The following LEFTY1 variants were observed in gnomAD, a reference collection of about 807,000 sequenced individuals.
The protein encoded by LEFTY1 is left-right determination factor B.
In LEFTY1, 18 loss-of-function variants were observed where a neutral mutation model predicts 22.6. The observed-to-expected ratio is 0.80, with a 90% confidence interval of 0.55 to 1.18. The LOEUF (loss-of-function observed/expected upper bound fraction) is 1.18, where lower values mean the gene tolerates loss of function less well. LEFTY1 is among the 50% of genes most tolerant of loss of function. LEFTY1 has a pLI of 0.00. For synonymous variants in LEFTY1, 201 were observed against 231.5 expected, an observed-to-expected ratio of 0.87 and a Z score of 1.20; for missense variants, 414 against 495.4, an observed-to-expected ratio of 0.84 and a Z score of 1.56.
intron 1 of LEFTY1, 145 bp from the exon 2 acceptor site, chr1:225,888,177 G>C (rs1435072534): frequency 1.6e-6 from 2 of 1,271,770 alleles, no homozygotes; most frequent in East Asian, 5.2e-5. Context: ...ATCTTCCTTG[G>C]ATCTGGGCCT....
intron 1 of LEFTY1, among the ~76,000 whole-genome samples, chr1:225,888,563 A>G (rs1159229583): frequency 2.0e-5 from 3 of 152,224 alleles, no homozygotes; most frequent in Non-Finnish European, 4.4e-5. Context: ...ATTTTAAAGC[A>G]ATATGCTCCA....
At chr1:225,887,138 G>A in intron 3 of LEFTY1, 48 bp from the exon 4 acceptor site, 1 of 1,556,456 alleles carries the variant, frequency 6.4e-7, no homozygotes. Context: ...GGAGGGCTGA[G>A]GTCAGAGGGC....
In LEFTY1 at chr1:225,887,507, G is replaced by A. The variant is rs1489900591; in HGVS notation, c.629C>T (p.Pro210Leu). The A allele has an allele frequency of 1.9e-6, 3 of 1,611,678 alleles. No individual in the cohort carries two copies. Among genetic ancestry groups the A allele is most frequent in the South Asian group, 2.2e-5 (2 of 91,012 alleles). The change falls in exon 3 of 4, where the codon CCG becomes CTG. Residue 210 changes from proline (P) to leucine (L), a missense_variant. By Grantham distance (98) the Pro-to-Leu change is moderately conservative. Coordinates refer to ENST00000272134, the MANE Select transcript of LEFTY1 (RefSeq NM_020997.4). The part of the protein sequence containing the change: ...QVSVQREHLG[P>L]LASGAHKLVR... ...CAGCTTGTGGGCGCCGGACGCCAGC[G>A]GGCCCAGATGCTCCCTCTGCACCGA... is the stretch of plus-strand genomic sequence containing the variant.
chr1:225,887,820 C>T lies in LEFTY1; in HGVS notation c.463G>A (p.Asp155Asn). The T allele has an allele frequency of 6.5e-7, 1 of 1,537,368 alleles. No individual in the cohort carries two copies. Among genetic ancestry groups the T allele is most frequent in the Non-Finnish European group, 8.7e-7 (1 of 1,147,936 alleles). ...ATGAGGGAGGTGCGGTTGGAGCCGT[C>T]GTCGCGGACGCGCAGCCACTCGACG... ...VTVEWLRVRD[D>N]GSNRTSLIDS... The change falls in exon 2 of 4, where the codon GAC becomes AAC. Residue 155 changes from aspartate to asparagine, a missense_variant. This residue lies in a region of LEFTY1 where 398 missense variants were observed against 454.7 expected (regional missense o/e 0.88). Transcript: ENST00000272134.
In LEFTY1 at chr1:225,887,859, G is replaced by T. The variant is rs1426429096; in HGVS notation, c.424C>A (p.Arg142=). The T allele has an allele frequency of 9.8e-6, 15 of 1,530,834 alleles. No individual in the cohort carries two copies. The highest frequency in any genetic ancestry group is 1.3e-5 in the Non-Finnish European group (15 of 1,145,252). 94.8% of individuals were successfully genotyped at this position (1,530,834 alleles called of 1,614,324 possible). A position where few individuals can be genotyped will look rare whatever the true frequency, so the allele number is the denominator to read the frequency against. The stretch of plus-strand genomic sequence containing the variant: ...AGCCACTCGACGGTCACCCGGGCCC[G>T]GGCGCTGCGCGGGGACAGCCGCCCG... The part of the protein sequence containing the change: ...RHGRLSPRSA[R]ARVTVEWLRV... The change falls in exon 2 of 4, where the codon CGG becomes AGG. Residue 142 remains arginine, a synonymous_variant. Transcript: ENST00000272134.
rs762426742 is a variant in LEFTY1, at chr1:225,887,493, C to A, written c.643G>T (p.Ala215Ser). Residue 215 changes from alanine (A) to serine (S), a missense_variant, in exon 3 of 4, where the codon GCC becomes TCC. By Grantham distance (99) the Ala-to-Ser change is moderately conservative. This residue lies in a region of LEFTY1 where 398 missense variants were observed against 454.7 expected (regional missense o/e 0.88). Coordinates refer to ENST00000272134, the MANE Select transcript of LEFTY1 (RefSeq NM_020997.4). The stretch of plus-strand genomic sequence containing the variant: ...GAGGCAAAGCGGACCAGCTTGTGGG[C>A]GCCGGACGCCAGCGGGCCCAGATGC... Reference protein sequence around the residue: ...REHLGPLASGAHKLVRFASQG... With the variant: ...REHLGPLASGSHKLVRFASQG... 11 of 1,611,924 alleles carry A rather than the reference C, an allele frequency of 6.8e-6. No homozygotes were observed. The highest frequency in any genetic ancestry group is 2.2e-5 in the South Asian group (2 of 91,000).
At position 225,887,537 on chromosome 1, in the gene LEFTY1, T is replaced by G. The variant is rs765437821; in HGVS notation, c.599A>C (p.Gln200Pro). The change falls in exon 3 of 4, where the codon CAG becomes CCG. Residue 200 changes from glutamine to proline, a missense_variant. Physicochemically the swap from Gln to Pro is moderately conservative, Grantham distance 76. This residue lies in a region of LEFTY1 where 398 missense variants were observed against 454.7 expected (regional missense o/e 0.88). Coordinates refer to ENST00000272134, the MANE Select transcript of LEFTY1 (RefSeq NM_020997.4). ...LSRPRQPLLL[Q>P]VSVQREHLGP... is the part of the protein sequence containing the mutation. Reference sequence around the variant, plus strand: ...CAGATGCTCCCTCTGCACCGACACCTGTAGCAGCAGCGGCTGCCGGGGCCG... The same window carrying G: ...CAGATGCTCCCTCTGCACCGACACCGGTAGCAGCAGCGGCTGCCGGGGCCG... The G allele has an allele frequency of 6.8e-6, 11 of 1,611,684 alleles. No individual in the cohort carries two copies. The South Asian group carries it at 1.2e-4, about 18-fold the overall frequency.
chr1:225,887,491 G>C lies in LEFTY1; in HGVS notation c.645C>G (p.Ala215=). The change falls in exon 3 of 4, where the codon GCC becomes GCG. Residue 215 remains alanine (A), a synonymous_variant. Transcript: ENST00000272134. ...GCGAGGCAAAGCGGACCAGCTTGTG[G>C]GCGCCGGACGCCAGCGGGCCCAGAT... ...REHLGPLASG[A]HKLVRFASQG... The C allele has an allele frequency of 1.9e-6, 3 of 1,612,022 alleles. No homozygotes were observed. Among genetic ancestry groups the C allele is most frequent in the Non-Finnish European group, 2.5e-6 (3 of 1,179,454 alleles).
Position 225,887,468 on chromosome 1 carries a change from G to A in LEFTY1, c.668C>T (p.Ser223Leu), listed in dbSNP as rs1671304794. The A allele has an allele frequency of 1.9e-6, 3 of 1,612,698 alleles. No individual in the cohort carries two copies. The highest frequency in any genetic ancestry group is 2.5e-6 in the Non-Finnish European group (3 of 1,179,718). Residue 223 changes from serine (S) to leucine (L), a missense_variant, in exon 3 of 4, where the codon TCG (serine) becomes TTG (leucine). Physicochemically the swap from Ser to Leu is moderately radical, Grantham distance 145. Coordinates refer to ENST00000272134, the MANE Select transcript of LEFTY1 (RefSeq NM_020997.4). ...CCCAAGCCCGGCTGGCGCCCCCTGC[G>A]AGGCAAAGCGGACCAGCTTGTGGGC... The part of the protein sequence containing the change: ...SGAHKLVRFA[S>L]QGAPAGLGEP...
At position 225,887,434 on chromosome 1, in the gene LEFTY1, C is replaced by T; in HGVS notation, c.702G>A (p.Gln234=). 6.2e-7 allele frequency: 1 copy of T among 1,613,518 alleles called. No individual in the cohort carries two copies. The change falls in exon 3 of 4, where the codon CAG becomes CAA. Residue 234 remains glutamine (Q), a synonymous_variant. Transcript: ENST00000272134. Reference sequence around the variant, plus strand: ...CAAGGTCCAGGGTGTGCAGCTCCAGCTGGGGCTCCCCAAGCCCGGCTGGCG... The same window carrying T: ...CAAGGTCCAGGGTGTGCAGCTCCAGTTGGGGCTCCCCAAGCCCGGCTGGCG... ...QGAPAGLGEP[Q]LELHTLDLGD...
Position 225,886,640 on chromosome 1 carries a change from C to T in LEFTY1, c.*87G>A. On this transcript the variant is annotated 3_prime_UTR_variant, in exon 4 of 4. Transcript: ENST00000272134. ...AGAGCACAGAGCATTTGTCCATCAG[C>T]AGTTCAGTCATCGCCAGCTCTCCTG... is the stretch of plus-strand genomic sequence containing the variant. 2.5e-6 allele frequency: 4 copies of T among 1,587,724 alleles called. No homozygotes were observed. Among genetic ancestry groups the T allele is most frequent in the Non-Finnish European group, 2.6e-6 (3 of 1,168,906 alleles).
chr1:225,888,700 G>T, intron 1 of LEFTY1, 117 bp downstream of exon 1: 1 of 1,382,516 alleles, frequency 7.2e-7, no homozygotes, highest in Non-Finnish European at 9.8e-7. Flanking sequence ...CTTAGACCGT[G>T]GCCCTCACTC....
At chr1:225,887,211 G>C (rs529198255) in intron 3 of LEFTY1, 121 bp from the exon 4 acceptor site, 1 of 1,472,556 alleles carries the variant, frequency 6.8e-7, no homozygotes, top group African/African-American at 1.4e-5. Context: ...TGTGATATAG[G>C]ATGGACAGCT....
In LEFTY1 at chr1:225,887,062, G is replaced by A. The variant is rs147571576; in HGVS notation, c.766C>T (p.Pro256Ser). 174 of 1,600,732 alleles carry A rather than the reference G, an allele frequency of 1.1e-4. No individual in the cohort carries two copies. The African/African-American group carries it at 2.0e-3, about 18-fold the overall frequency. ...GAQGDCDPEA[P>S]MTEGTRCCRQ... is the part of the protein sequence containing the mutation. ...CAGCAGCGGGTGCCCTCGGTCATTGGTGCTTCAGGGTCACAGTCGCCCTGA... is the reference window on the plus strand; with the variant it reads ...CAGCAGCGGGTGCCCTCGGTCATTGATGCTTCAGGGTCACAGTCGCCCTGA... Residue 256 changes from proline (P) to serine (S), a missense_variant, in exon 4 of 4, where the codon CCA becomes TCA. Physicochemically the swap from Pro to Ser is moderately conservative, Grantham distance 74. Coordinates refer to ENST00000272134, the MANE Select transcript of LEFTY1 (RefSeq NM_020997.4).
In LEFTY1 at chr1:225,886,554, C is replaced by A; in HGVS notation, c.*173G>T. On this transcript the variant is annotated 3_prime_UTR_variant, in exon 4 of 4. Coordinates refer to ENST00000272134, the MANE Select transcript of LEFTY1 (RefSeq NM_020997.4). Reference sequence around the variant, plus strand: ...TCTCCAGTGGCCAAAGATTCTCATTCCTGAGAAGCAAAAATTAGGTGAGGT... The same window carrying A: ...TCTCCAGTGGCCAAAGATTCTCATTACTGAGAAGCAAAAATTAGGTGAGGT... 1 of 1,325,526 alleles carries A rather than the reference C, an allele frequency of 7.5e-7. No homozygotes were observed. The highest frequency in any genetic ancestry group is 2.5e-5 in the East Asian group (1 of 40,610). 82.1% of individuals were successfully genotyped at this position (1,325,526 alleles called of 1,614,324 possible). A position where few individuals can be genotyped will look rare whatever the true frequency, so the allele number is the denominator to read the frequency against.
chr1:225,886,923 T>C lies in LEFTY1; in HGVS notation c.905A>G (p.Glu302Gly), dbSNP rs1671290994. The C allele has an allele frequency of 6.2e-7, 1 of 1,613,732 alleles. No homozygotes were observed. Among genetic ancestry groups the C allele is most frequent in the South Asian group, 1.1e-5 (1 of 91,072 alleles). The change falls in exon 4 of 4, where the codon GAG (glutamate) becomes GGG (glycine). Residue 302 changes from glutamate to glycine, a missense_variant. By Grantham distance (98) the Glu-to-Gly change is moderately conservative. This residue lies in a region of LEFTY1 where 398 missense variants were observed against 454.7 expected (regional missense o/e 0.88). Transcript: ENST00000272134. Reference sequence around the variant, plus strand: ...AAACGGCCACTTGAAGGCCAGGGCCTCCGGGGGCTGCCGGCAGGTGCCCAC... The same window carrying C: ...AAACGGCCACTTGAAGGCCAGGGCCCCCGGGGGCTGCCGGCAGGTGCCCAC... The part of the protein sequence containing the change: ...ECVGTCRQPP[E>G]ALAFKWPFLG...
intron 3 of LEFTY1, 101 bp downstream of exon 3, chr1:225,887,298 C>T: frequency 6.4e-7 from 1 of 1,571,768 alleles, no homozygotes; most frequent in Non-Finnish European, 8.6e-7. Context: ...TATACATTGT[C>T]TCATTCATTC....
In LEFTY1 at chr1:225,887,841, C is replaced by A; in HGVS notation, c.442G>T (p.Glu148Ter). Residue 148 changes from glutamate to a stop codon, truncating the protein, a stop_gained, in exon 2 of 4, where the codon GAG becomes TAG. Coordinates refer to ENST00000272134, the MANE Select transcript of LEFTY1 (RefSeq NM_020997.4). LOFTEE classifies it high-confidence loss of function. ...PRSARARVTV[E>*]WLRVRDDGSN... Reference sequence around the variant, plus strand: ...CCGTCGTCGCGGACGCGCAGCCACTCGACGGTCACCCGGGCCCGGGCGCTG... The same window carrying A: ...CCGTCGTCGCGGACGCGCAGCCACTAGACGGTCACCCGGGCCCGGGCGCTG... 1 of 1,532,766 alleles carries A rather than the reference C, an allele frequency of 6.5e-7. No individual in the cohort carries two copies. The highest frequency in any genetic ancestry group is 8.7e-7 in the Non-Finnish European group (1 of 1,146,250). The allele number at this position is 1,532,766 out of a possible 1,614,324, so 94.9% of individuals were successfully genotyped here.
At position 225,886,459 on chromosome 1, in the gene LEFTY1, G is replaced by C. The variant is rs1370659460; in HGVS notation, c.*268C>G. Reference sequence around the variant, plus strand: ...TTGGGCTTTCTGCCCTCAGGTTACAGTATCTCCACATGTAAGTGCTTAGAA... The same window carrying C: ...TTGGGCTTTCTGCCCTCAGGTTACACTATCTCCACATGTAAGTGCTTAGAA... On this transcript the variant is annotated 3_prime_UTR_variant, in exon 4 of 4. Coordinates refer to ENST00000272134, the MANE Select transcript of LEFTY1 (RefSeq NM_020997.4). 8 of 562,672 alleles carry C rather than the reference G, an allele frequency of 1.4e-5. No individual in the cohort carries two copies. Among genetic ancestry groups the C allele is most frequent in the Non-Finnish European group, 1.8e-5 (6 of 333,938 alleles). The allele number at this position is 562,672 out of a possible 1,614,324, so 34.9% of individuals were successfully genotyped here.
Sources: gnomAD v4.1 joint callset for allele counts (sites outside exome capture counted in the v4.1 genomes callset) on GRCh38, gnomAD v4.1.1 for gene constraint, gnomAD v4.1.1 regional missense constraint, MANE v1.5 for transcripts, NCBI Gene and HGNC (gene_info 2026-07-23, HGNC 2026-07-21) for gene names.